Variants in UNC13C observed in about 807,000 individuals in gnomAD.
UNC13C encodes the protein unc-13 homolog C.
UNC13C carries 174 observed loss-of-function variants against 245.4 expected under a neutral mutation model. That is an observed-to-expected ratio of 0.71 (90% CI 0.63 to 0.80). UNC13C has a LOEUF of 0.80. Among genes scored for constraint, UNC13C ranks in the 30% least tolerant of loss-of-function variants. The probability of loss-of-function intolerance (pLI) is 0.00; values close to 1 mark genes in which losing one functional copy is unlikely to be tolerated. For synonymous variants in UNC13C, 992 were observed against 895.1 expected (o/e 1.11, Z -1.93); for missense variants, 2,829 against 2,602.9 (o/e 1.09, Z -1.89).
At position 54,009,164 on chromosome 15, in the gene UNC13C, A is replaced by T. The variant is rs368015067; in HGVS notation, c.-256-3484A>T. Reference sequence around the variant, plus strand: ...GTAACTAGGAAGGTGAGATTTCAATATTAGGAAATTGTTGCTGGATCATAG... The same window carrying T: ...GTAACTAGGAAGGTGAGATTTCAATTTTAGGAAATTGTTGCTGGATCATAG... On this transcript the variant is annotated intron_variant, in intron 1 of 32. Coordinates refer to ENST00000260323, the MANE Select transcript of UNC13C (RefSeq NM_001080534.3). Among the ~76,000 whole-genome samples the T allele has an allele frequency of 5.3e-5, 8 of 152,226 alleles. No individual in the cohort carries two copies. The South Asian group carries it at 1.7e-3, about 31-fold the overall frequency.
intron 26 of UNC13C, among the ~76,000 whole-genome samples, chr15:54,541,174 C>A (rs1216577526): frequency 6.6e-6 from 1 of 152,052 alleles, no homozygotes; most frequent in Non-Finnish European, 1.5e-5. Context: ...CTTTTACATA[C>A]ACAGTGTTAG....
intron 2 of UNC13C, among the ~76,000 whole-genome samples, chr15:54,047,490 A>G (rs1222983474): frequency 6.6e-6 from 1 of 152,118 alleles, no homozygotes; most frequent in Non-Finnish European, 1.5e-5. Flanking sequence ...AGTACCTCAT[A>G]TAAGTGGTAT....
chr15:54,008,657 C>T (rs1233712427), intron 1 of UNC13C, among the ~76,000 whole-genome samples: 2 of 152,150 alleles, frequency 1.3e-5, no homozygotes, highest in African/African-American at 4.8e-5. Context: ...AGCTACCTCT[C>T]ATCTACCTTG....
chr15:54,038,932 A>G (rs1371732582), intron 2 of UNC13C, among the ~76,000 whole-genome samples: 1 of 152,178 alleles, frequency 6.6e-6, no homozygotes, highest in Non-Finnish European at 1.5e-5. Context: ...GTAAATTCCA[A>G]TCCTTTCTGT....
chr15:54,486,461 A>C (rs896096805), intron 19 of UNC13C, among the ~76,000 whole-genome samples: 1 of 151,810 alleles, frequency 6.6e-6, no homozygotes, highest in Non-Finnish European at 1.5e-5. Context: ...AAAAAGAAAA[A>C]GAAAAGAAAA....
intron 22 of UNC13C, among the ~76,000 whole-genome samples, chr15:54,502,588 G>A (rs1265715420): frequency 6.6e-6 from 1 of 152,106 alleles, no homozygotes; most frequent in Middle Eastern, 3.2e-3. Flanking sequence ...TTGATGAGCA[G>A]CTGTGTTTGG....
At chr15:53,979,015 T>C (rs1477846612) in intron 1 of UNC13C, among the ~76,000 whole-genome samples, 88 bp downstream of exon 1, 1 of 152,192 alleles carries the variant, frequency 6.6e-6, no homozygotes, top group East Asian at 1.9e-4. Context: ...TGTTTGCACT[T>C]GGAAATCACA....
chr15:54,470,209 TGAAAATAAATG>T (rs1246594161), intron 19 of UNC13C, among the ~76,000 whole-genome samples: 2 of 151,498 alleles, frequency 1.3e-5, no homozygotes, highest in Admixed American at 6.6e-5. Context: ...CAGGATATAA[TGAAAATAAATG>T]TATCTGTCTG....
intron 4 of UNC13C, among the ~76,000 whole-genome samples, chr15:54,231,169 C>T (rs1231080546): frequency 6.6e-6 from 1 of 152,010 alleles, no homozygotes; most frequent in Non-Finnish European, 1.5e-5. Context: ...TCCTGAAATA[C>T]ATTGAAAAAA....
the UNC13C span, among the ~76,000 whole-genome samples, chr15:53,940,740 C>T: frequency 1.3e-5 from 2 of 152,002 alleles, no homozygotes; most frequent in Non-Finnish European, 2.9e-5. Flanking sequence ...TGATAAAATG[C>T]CTTGGAATAC....
the UNC13C span, among the ~76,000 whole-genome samples, chr15:53,952,530 A>AAAC: frequency 6.6e-6 from 1 of 152,214 alleles, no homozygotes; most frequent in South Asian, 2.1e-4. Context: ...TAGTTCTCAA[A>AAAC]TTTTGATGGT....
intron 17 of UNC13C, among the ~76,000 whole-genome samples, chr15:54,385,209 T>C (rs2039811181): frequency 6.6e-6 from 1 of 152,126 alleles, no homozygotes; most frequent in Non-Finnish European, 1.5e-5. Flanking sequence ...TAAGTGCCCA[T>C]GGTGAACGAT....
chr15:54,227,558 G>A (rs564186903), intron 4 of UNC13C, among the ~76,000 whole-genome samples: 4 of 152,178 alleles, frequency 2.6e-5, no homozygotes, highest in Non-Finnish European at 5.9e-5. Context: ...GAGGGGGCAG[G>A]GGGGTAGTGT....
intron 18 of UNC13C, among the ~76,000 whole-genome samples, chr15:54,413,910 G>T (rs76236886): frequency 0.031 from 4,643 of 152,170 alleles, 192 homozygotes; most frequent in Admixed American, 0.12. Context: ...TATATATATA[G>T]AGAGAAAATA....
chr15:54,148,285 C>A (rs1595912172), intron 4 of UNC13C, among the ~76,000 whole-genome samples: 1 of 152,154 alleles, frequency 6.6e-6, no homozygotes, highest in African/African-American at 2.4e-5. Context: ...TCACCAGGAA[C>A]AACTATCTTG....
chr15:54,558,981 A>G (rs1897194264), intron 29 of UNC13C, among the ~76,000 whole-genome samples: 2 of 152,032 alleles, frequency 1.3e-5, no homozygotes, highest in African/African-American at 4.8e-5. Flanking sequence ...AATAGCAGTT[A>G]CACTTTGACC....
chr15:53,915,677 A>C, the UNC13C span, among the ~76,000 whole-genome samples: 2 of 152,264 alleles, frequency 1.3e-5, no homozygotes, highest in Non-Finnish European at 2.9e-5. Context: ...ACTAGAAAGA[A>C]AAAATGAATT....
intron 7 of UNC13C, among the ~76,000 whole-genome samples, chr15:54,243,058 T>C (rs2035897435): frequency 6.6e-6 from 1 of 152,162 alleles, no homozygotes; most frequent in Non-Finnish European, 1.5e-5. Context: ...CCATGGTGGT[T>C]TGCTGCCCAG....
chr15:53,853,349 T>C, the UNC13C span, among the ~76,000 whole-genome samples: 149,434 of 152,288 alleles, frequency 0.98, 73,386 homozygotes, highest in Middle Eastern at 1. Context: ...ATTTTTATGG[T>C]TGCACAGTAT....
Sources: gnomAD v4.1 joint callset for allele counts (sites outside exome capture counted in the v4.1 genomes callset) on GRCh38, gnomAD v4.1.1 for gene constraint, MANE v1.5 for transcripts, NCBI Gene and HGNC (gene_info 2026-07-23, HGNC 2026-07-21) for gene names.